BRIP1: variants seen among roughly 807,000 people sequenced by gnomAD.
BRIP1 encodes the protein BRCA1 interacting DNA helicase 1, also known as Fanconi anemia group J protein.
BRIP1 carries 88 observed loss-of-function variants against 119.7 expected under a neutral mutation model. That is an observed-to-expected ratio of 0.74 (90% CI 0.62 to 0.88). The LOEUF is 0.88. Ranked by LOEUF, BRIP1 falls within the 40% of genes least tolerant of loss-of-function variation. The probability of loss-of-function intolerance (pLI) is 0.00; values close to 1 mark genes in which losing one functional copy is unlikely to be tolerated. For missense variants in BRIP1, 1,259 were observed against 1,455.4 expected (o/e 0.87, Z 2.20); for synonymous variants, 443 against 496.5 (o/e 0.89, Z 1.43).
chr17:61,712,982 A>G (rs1325953967), intron 17 of BRIP1, among the ~76,000 whole-genome samples: 1 of 152,204 alleles, frequency 6.6e-6, no homozygotes, highest in Non-Finnish European at 1.5e-5. Context: ...CTACAATATG[A>G]AATTAAGGGA....
rs922128092 is a variant in BRIP1, at chr17:61,700,303, C to T, written c.2493-6791G>A. Among the ~76,000 whole-genome samples, 19 of 152,152 alleles carry T rather than the reference C, an allele frequency of 1.2e-4. 1 individual carries two copies. Among genetic ancestry groups the T allele is most frequent in the South Asian group, 4.1e-4 (2 of 4,828 alleles). On this transcript the variant is annotated intron_variant, in intron 17 of 19. Transcript: ENST00000259008. This position sits in a 1 kb window ranked among gnomAD's most constrained non-coding sequence, Gnocchi z 4.1. The stretch of plus-strand genomic sequence containing the variant: ...ACTTTGTGGGTATTCTTTATTTCAT[C>T]GTGTGCATCTGACTTACTTCCTAAT...
rs1313312384 is a variant in BRIP1, at chr17:61,848,645, T to G, written c.507+484A>C. On this transcript the variant is annotated intron_variant, in intron 5 of 19. Coordinates refer to ENST00000259008, the MANE Select transcript of BRIP1 (RefSeq NM_032043.3). This position sits in a 1 kb window ranked among gnomAD's most constrained non-coding sequence, Gnocchi z 4.3. ...TTTAAAATATCTGGTAATTCAAGCCTTTTAGTAATTTTTAGAAATAAATAT... is the reference window on the plus strand; with the variant it reads ...TTTAAAATATCTGGTAATTCAAGCCGTTTAGTAATTTTTAGAAATAAATAT... Among the ~76,000 whole-genome samples the G allele has an allele frequency of 6.6e-6, 1 of 152,216 alleles. No homozygotes were observed. Among genetic ancestry groups the G allele is most frequent in the Non-Finnish European group, 1.5e-5 (1 of 68,038 alleles).
rs924110786 is a variant in BRIP1, at chr17:61,695,322, C to G, written c.2493-1810G>C. 2.6e-5 allele frequency among the ~76,000 whole-genome samples: 4 copies of G among 152,150 alleles called. No individual in the cohort carries two copies. The East Asian group carries it at 7.7e-4, about 29-fold the overall frequency. ...TAGATGTATGAATTTGTTTATGGAC[C>G]CTCAATTCTACCCATTGATCTATAC... On this transcript the variant is annotated intron_variant, in intron 17 of 19. Coordinates refer to ENST00000259008, the MANE Select transcript of BRIP1 (RefSeq NM_032043.3). This position sits in a 1 kb window ranked among gnomAD's most constrained non-coding sequence, Gnocchi z 4.3.
rs2076946722 is a variant in BRIP1 at position 61,738,434 on chromosome 17, C to G, written c.2379+4579G>C. 6.6e-6 allele frequency among the ~76,000 whole-genome samples: 1 copy of G among 152,112 alleles called. No homozygotes were observed. The highest frequency in any genetic ancestry group is 1.5e-5 in the Non-Finnish European group (1 of 68,018). ...ACCTTTTGGGAACCACTAGGGATAA[C>G]CCTTTAGAACCACCTTCCTCCCCTC... On this transcript the variant is annotated intron_variant, in intron 16 of 19. Coordinates refer to ENST00000259008, the MANE Select transcript of BRIP1 (RefSeq NM_032043.3). The surrounding 1 kb of genome is among the most constrained non-coding windows in gnomAD (Gnocchi z 4.2).
rs767215118 is a variant in BRIP1, at chr17:61,861,510, A to G, written c.30T>C (p.Ile10=). ...AAGGAAAGTAAATCTTCACCCCACC[A>G]ATTGTATATTCAGACCACATTGAAG... MSSMWSEYT[I]GGVKIYFPYK... Residue 10 remains isoleucine, a synonymous_variant, in exon 2 of 20, where the codon ATT becomes ATC. Transcript: ENST00000259008. This position sits in a 1 kb window ranked among gnomAD's most constrained non-coding sequence, Gnocchi z 4.5. 6.2e-7 allele frequency: 1 copy of G among 1,613,096 alleles called. No homozygotes were observed. The highest frequency in any genetic ancestry group is 1.1e-5 in the South Asian group (1 of 91,058).
chr17:61,773,914 A>C (rs1323495084), intron 14 of BRIP1, among the ~76,000 whole-genome samples: 1 of 152,182 alleles, frequency 6.6e-6, no homozygotes, highest in Non-Finnish European at 1.5e-5. Flanking sequence ...TAGAATGGTG[A>C]TCATTAAACA....
rs2078047658 is a variant in BRIP1 at position 61,804,712 on chromosome 17, T to C, written c.919-3238A>G. 6.6e-6 allele frequency among the ~76,000 whole-genome samples: 1 copy of C among 151,632 alleles called. No homozygotes were observed. Among genetic ancestry groups the C allele is most frequent in the South Asian group, 2.1e-4 (1 of 4,794 alleles). On this transcript the variant is annotated intron_variant, in intron 7 of 19. Coordinates refer to ENST00000259008, the MANE Select transcript of BRIP1 (RefSeq NM_032043.3). The surrounding 1 kb of genome is among the most constrained non-coding windows in gnomAD (Gnocchi z 4.5). ...TATTTTTTACAAATACATAATAATT[T>C]CCCCATATATATATATTCAAAATAT...
rs1429063662 is a variant in BRIP1 at position 61,847,153 on chromosome 17, G to T, written c.575C>A (p.Thr192Asn). 2 of 1,613,622 alleles carry T rather than the reference G, an allele frequency of 1.2e-6. No individual in the cohort carries two copies. Among genetic ancestry groups the T allele is most frequent in the Admixed American group, 3.3e-5 (2 of 60,020 alleles). The change falls in exon 6 of 20, where the codon ACT becomes AAT. Residue 192 changes from threonine (T) to asparagine (N), a missense_variant. Physicochemically the swap from Thr to Asn is moderately conservative, Grantham distance 65. Coordinates refer to ENST00000259008, the MANE Select transcript of BRIP1 (RefSeq NM_032043.3). ...TTCCAGTGGAGAGTTGAGTTTTACA[G>T]TCTTTCCTGAATCAACTTTTGCATC... The part of the protein sequence containing the change: ...NLDAKVDSGK[T>N]VKLNSPLEKI...
rs756466996 is a variant in BRIP1, at chr17:61,769,705, A to G, written c.2097+6696T>C. Among the ~76,000 whole-genome samples, 6 of 152,344 alleles carry G rather than the reference A, an allele frequency of 3.9e-5. No individual in the cohort carries two copies. Among genetic ancestry groups the G allele is most frequent in the Admixed American group, 3.3e-4 (5 of 15,302 alleles). ...AAAATCAATTACTTTTCTGGGATCC[A>G]TCTGAGAACTGAGGTCACAAGGCAA... On this transcript the variant is annotated intron_variant, in intron 14 of 19. Transcript: ENST00000259008. This position sits in a 1 kb window ranked among gnomAD's most constrained non-coding sequence, Gnocchi z 4.9.
chr17:61,783,570 C>T (rs1032010562), intron 11 of BRIP1, among the ~76,000 whole-genome samples: 2 of 150,770 alleles, frequency 1.3e-5, no homozygotes, highest in Admixed American at 6.6e-5. Flanking sequence ...GTATATTTTA[C>T]CACAATAAAA....
chr17:61,770,867 G>GTTTT lies in BRIP1; in HGVS notation c.2097+5533_2097+5534insAAAA, dbSNP rs1333619230. On this transcript the variant is annotated intron_variant, in intron 14 of 19. Coordinates refer to ENST00000259008, the MANE Select transcript of BRIP1 (RefSeq NM_032043.3). The surrounding 1 kb of genome is among the most constrained non-coding windows in gnomAD (Gnocchi z 4.7). ...AAAGGCAATGATAGAGAAATAGAGG[G>GTTTT]GGAAAAGGCACCAGATATACAGAAA... 6.6e-6 allele frequency among the ~76,000 whole-genome samples: 1 copy of GTTTT among 151,984 alleles called. No individual in the cohort carries two copies. Among genetic ancestry groups the GTTTT allele is most frequent in the African/African-American group, 2.4e-5 (1 of 41,386 alleles).
chr17:61,716,715 TAC>T (rs2061869664), intron 16 of BRIP1, among the ~76,000 whole-genome samples: 2 of 101,392 alleles, frequency 2.0e-5, no homozygotes, highest in Non-Finnish European at 2.1e-5. Flanking sequence ...GCTTCCCCCC[TAC>T]CCCCCCAATC....
At chr17:61,718,514 T>C (rs1315928428) in intron 16 of BRIP1, among the ~76,000 whole-genome samples, 14 of 152,224 alleles carry the variant, frequency 9.2e-5, no homozygotes. Flanking sequence ...TGCCAATCAG[T>C]ACTTGACCAA....
rs1343482457 is a variant in BRIP1, at chr17:61,831,200, C to T, written c.627+15901G>A. The stretch of plus-strand genomic sequence containing the variant: ...AGTGAGGGACCAGAATGTTTTCCAC[C>T]ACAAGGTTGTGAACAAGGCAAGGGT... On this transcript the variant is annotated intron_variant, in intron 6 of 19. Coordinates refer to ENST00000259008, the MANE Select transcript of BRIP1 (RefSeq NM_032043.3). The surrounding 1 kb of genome is among the most constrained non-coding windows in gnomAD (Gnocchi z 4.1). Among the ~76,000 whole-genome samples, 4 of 152,142 alleles carry T rather than the reference C, an allele frequency of 2.6e-5. No individual in the cohort carries two copies. Among genetic ancestry groups the T allele is most frequent in the African/African-American group, 9.7e-5 (4 of 41,424 alleles).
In BRIP1 at chr17:61,822,171, T is replaced by A. The variant is rs1035134781; in HGVS notation, c.628-13414A>T. On this transcript the variant is annotated intron_variant, in intron 6 of 19. Transcript: ENST00000259008. This position sits in a 1 kb window ranked among gnomAD's most constrained non-coding sequence, Gnocchi z 4.4. ...CATAAAATTAGTAAATGACAAAAAA[T>A]AAAAGACAATAAAAGAAGAAGAAAA... is the stretch of plus-strand genomic sequence containing the variant. Among the ~76,000 whole-genome samples, 5 of 150,630 alleles carry A rather than the reference T, an allele frequency of 3.3e-5. No homozygotes were observed. The highest frequency in any genetic ancestry group is 1.0e-4 in the African/African-American group (4 of 40,138).
chr17:61,816,046 C>T lies in BRIP1; in HGVS notation c.628-7289G>A, dbSNP rs1169643026. Among the ~76,000 whole-genome samples, 1 of 152,110 alleles carries T rather than the reference C, an allele frequency of 6.6e-6. No homozygotes were observed. Among genetic ancestry groups the T allele is most frequent in the Non-Finnish European group, 1.5e-5 (1 of 68,014 alleles). ...AACAGTAGTAGTACCCTACTGCCAC[C>T]GTTTCATGATTAGACTGCACAAAGC... On this transcript the variant is annotated intron_variant, in intron 6 of 19. Transcript: ENST00000259008. The surrounding 1 kb of genome is among the most constrained non-coding windows in gnomAD (Gnocchi z 5.0).
intron 10 of BRIP1, among the ~76,000 whole-genome samples, chr17:61,786,782 ATAAT>A (rs2077716130): frequency 7.5e-6 from 1 of 133,152 alleles, no homozygotes; most frequent in Admixed American, 8.5e-5. Context: ...ATATTTATAT[ATAAT>A]ATAGTATATA....
Position 61,808,981 on chromosome 17 carries a change from G to A in BRIP1, c.628-224C>T, listed in dbSNP as rs755862664. On this transcript the variant is annotated intron_variant, in intron 6 of 19. Transcript: ENST00000259008. The surrounding 1 kb of genome is among the most constrained non-coding windows in gnomAD (Gnocchi z 4.1). ...AGTTATAAATGATATTTCCAAATTTGCATTCTTTCCAACATACCACTCTAA... is the reference window on the plus strand; with the variant it reads ...AGTTATAAATGATATTTCCAAATTTACATTCTTTCCAACATACCACTCTAA... Among the ~76,000 whole-genome samples, 1 of 152,068 alleles carries A rather than the reference G, an allele frequency of 6.6e-6. No homozygotes were observed. The highest frequency in any genetic ancestry group is 2.4e-5 in the African/African-American group (1 of 41,418).
At position 61,705,091 on chromosome 17, in the gene BRIP1, T is replaced by A. The variant is rs1603287502; in HGVS notation, c.2492+10860A>T. On this transcript the variant is annotated intron_variant, in intron 17 of 19. Transcript: ENST00000259008. This position sits in a 1 kb window ranked among gnomAD's most constrained non-coding sequence, Gnocchi z 5.0. ...TTTTCAACCCTTGCTTCCCTCCTTC[T>A]CTGCCTCCACTTACATTCATTCCCT... 2.6e-5 allele frequency among the ~76,000 whole-genome samples: 4 copies of A among 152,288 alleles called. No homozygotes were observed. The highest frequency in any genetic ancestry group is 2.6e-4 in the Admixed American group (4 of 15,290).
Sources: gnomAD v4.1 joint callset for allele counts (sites outside exome capture counted in the v4.1 genomes callset) on GRCh38, gnomAD v4.1.1 for gene constraint, Gnocchi (gnomAD v3.1) non-coding constraint, MANE v1.5 for transcripts, NCBI Gene and HGNC (gene_info 2026-07-23, HGNC 2026-07-21) for gene names.